MYO9A: variants seen among roughly 807,000 people sequenced by gnomAD.
MYO9A encodes the protein unconventional myosin-IXa.
In MYO9A, 103 loss-of-function variants were observed where a neutral mutation model predicts 293.3. The observed-to-expected ratio is 0.35, with a 90% CI of 0.30 to 0.41. The LOEUF is 0.41. Among genes scored for constraint, MYO9A ranks in the 10% least tolerant of loss-of-function variants. MYO9A has a pLI of 1.00. For synonymous variants in MYO9A, 1,001 were observed against 1,035.7 expected (o/e 0.97, Z 0.64); for missense variants, 2,685 against 3,033.0 (o/e 0.89, Z 2.69).
At chr15:71,841,798 GT>G (rs1275519159) in intron 39 of MYO9A, among the ~76,000 whole-genome samples, 23 of 132,764 alleles carry the variant, frequency 1.7e-4, no homozygotes, top group Admixed American at 8.0e-4. Flanking sequence ...ACCAGGGGTA[GT>G]TTTTTTTTTT....
intron 11 of MYO9A, among the ~76,000 whole-genome samples, chr15:71,981,224 G>C (rs369450309): frequency 6.6e-6 from 1 of 152,136 alleles, no homozygotes; most frequent in Non-Finnish European, 1.5e-5. Context: ...GTGTTTATGA[G>C]TGAAACTGAC....
At chr15:71,994,240 A>AT (rs1187180086) in intron 10 of MYO9A, among the ~76,000 whole-genome samples, 1 of 152,174 alleles carries the variant, frequency 6.6e-6, no homozygotes, top group African/African-American at 2.4e-5. Context: ...TTCTATTTAC[A>AT]TTTTTTAAAG....
At position 71,937,670 on chromosome 15, in the gene MYO9A, A is replaced by G. The variant is rs546470692; in HGVS notation, c.2378+1182T>C. ...TATTGTGGTGGTCTGGAACTGAACC[A>G]GAAACCCATATAGATCACTTCAGGT... On this transcript the variant is annotated intron_variant, in intron 16 of 41. Coordinates refer to ENST00000356056, the MANE Select transcript of MYO9A (RefSeq NM_006901.4). 7.2e-5 allele frequency among the ~76,000 whole-genome samples: 11 copies of G among 152,298 alleles called. No homozygotes were observed. The South Asian group carries it at 2.1e-3, about 29-fold the overall frequency.
At chr15:72,010,996 G>C (rs138731802) in intron 6 of MYO9A, among the ~76,000 whole-genome samples, 2 of 151,870 alleles carry the variant, frequency 1.3e-5, no homozygotes, top group Non-Finnish European at 2.9e-5. Context: ...TATTTATATA[G>C]ATCTATATAG....
chr15:72,026,807 C>CT (rs1220979160), intron 4 of MYO9A, among the ~76,000 whole-genome samples: 2 of 152,096 alleles, frequency 1.3e-5, no homozygotes, highest in Non-Finnish European at 2.9e-5. Context: ...GTAAGGGATA[C>CT]TATAAAACAA....
At chr15:71,921,519 T>C (rs1341510246) in intron 18 of MYO9A, among the ~76,000 whole-genome samples, 2 of 152,174 alleles carry the variant, frequency 1.3e-5, no homozygotes, top group Non-Finnish European at 2.9e-5. Flanking sequence ...CCCTACTTCT[T>C]AAATAGAGAA....
chr15:71,971,866 G>T (rs1027973050), intron 12 of MYO9A, among the ~76,000 whole-genome samples: 4 of 151,790 alleles, frequency 2.6e-5, no homozygotes, highest in Non-Finnish European at 4.4e-5. Flanking sequence ...GCAGCCCTTG[G>T]TGTAGTCTTT....
chr15:72,002,417 G>A (rs930389754), intron 8 of MYO9A, among the ~76,000 whole-genome samples: 7 of 151,876 alleles, frequency 4.6e-5, no homozygotes, highest in South Asian at 4.2e-4. Flanking sequence ...TTGCCCAGGC[G>A]GGTCTTGAAC....
chr15:71,980,230 TGCA>T (rs2076239290), intron 11 of MYO9A, among the ~76,000 whole-genome samples: 7 of 152,178 alleles, frequency 4.6e-5, no homozygotes, highest in Non-Finnish European at 1.0e-4. Context: ...ACTTTTGGTG[TGCA>T]TTTATACTTA....
intron 18 of MYO9A, among the ~76,000 whole-genome samples, chr15:71,927,082 G>A (rs567105816): frequency 5.6e-4 from 86 of 152,242 alleles, no homozygotes; most frequent in African/African-American, 1.9e-3. Context: ...CCCTCGGGGA[G>A]GGCACAAATC....
chr15:71,965,881 AT>A (rs924564717), intron 13 of MYO9A, among the ~76,000 whole-genome samples: 31 of 146,458 alleles, frequency 2.1e-4, no homozygotes, highest in Non-Finnish European at 2.3e-4. Flanking sequence ...TTGTCCTACA[AT>A]TTTTTTTTTT....
At chr15:71,829,472 CA>C (rs1482685100) in intron 40 of MYO9A, among the ~76,000 whole-genome samples, 1 of 151,870 alleles carries the variant, frequency 6.6e-6, no homozygotes, top group Admixed American at 6.6e-5. Context: ...GGCATACTGT[CA>C]CCCAATCCCT....
chr15:72,039,586 T>C (rs2078163577), intron 2 of MYO9A, among the ~76,000 whole-genome samples: 1 of 152,082 alleles, frequency 6.6e-6, no homozygotes, highest in Admixed American at 6.6e-5. Context: ...ATCCTAGCAC[T>C]TTAAGAGGCT....
chr15:71,949,205 T>TGTTG (rs1438545436), intron 15 of MYO9A, among the ~76,000 whole-genome samples: 1 of 151,946 alleles, frequency 6.6e-6, no homozygotes, highest in East Asian at 1.9e-4. Context: ...TGTAAGCTAG[T>TGTTG]GTTTGTTTGT....
At chr15:71,945,971 T>G (rs972495163) in intron 15 of MYO9A, among the ~76,000 whole-genome samples, 7 of 152,222 alleles carry the variant, frequency 4.6e-5, no homozygotes, top group African/African-American at 1.2e-4. Flanking sequence ...TTTTTCTCCA[T>G]CTACTGAGAC....
intron 15 of MYO9A, among the ~76,000 whole-genome samples, chr15:71,943,331 T>C (rs775219549): frequency 6.6e-6 from 1 of 152,022 alleles, no homozygotes; most frequent in Admixed American, 6.6e-5. Flanking sequence ...TCAAGAGCAG[T>C]AGAGCTCCCC....
At position 71,863,951 on chromosome 15, in the gene MYO9A, T is replaced by C. The variant is rs185990049; in HGVS notation, c.5980-1340A>G. On this transcript the variant is annotated intron_variant, in intron 32 of 41. Coordinates refer to ENST00000356056, the MANE Select transcript of MYO9A (RefSeq NM_006901.4). ...CATAACCAATGAACCCTTCCTGTCCTATGACAGTAAAATCTATTGTTTTGG... is the reference window on the plus strand; with the variant it reads ...CATAACCAATGAACCCTTCCTGTCCCATGACAGTAAAATCTATTGTTTTGG... Among the ~76,000 whole-genome samples, 54 of 152,342 alleles carry C rather than the reference T, an allele frequency of 3.5e-4. No individual in the cohort carries two copies. The East Asian group carries it at 0.01, about 28-fold the overall frequency.
chr15:71,909,182 T>C (rs1354847097), intron 19 of MYO9A, among the ~76,000 whole-genome samples: 2 of 152,218 alleles, frequency 1.3e-5, no homozygotes, highest in African/African-American at 4.8e-5. Flanking sequence ...TGTTTCCAAG[T>C]TTTAGCAATT....
chr15:71,987,463 A>T (rs1056852691), intron 11 of MYO9A, among the ~76,000 whole-genome samples: 1 of 152,180 alleles, frequency 6.6e-6, no homozygotes, highest in African/African-American at 2.4e-5. Flanking sequence ...CCTTTGCCTA[A>T]AATATCTTTT....
Sources: gnomAD v4.1 joint callset for allele counts (sites outside exome capture counted in the v4.1 genomes callset) on GRCh38, gnomAD v4.1.1 for gene constraint, MANE v1.5 for transcripts, NCBI Gene and HGNC (gene_info 2026-07-23, HGNC 2026-07-21) for gene names.